Variants in LMBR1 observed in about 807,000 individuals in gnomAD.
The protein encoded by LMBR1 is limb region 1 protein homolog.
Under a neutral mutation model 73.9 loss-of-function variants are expected in LMBR1, and 52 were observed. The observed-to-expected ratio is 0.70, with a 90% CI of 0.56 to 0.89. LMBR1 has a LOEUF of 0.89. Among genes scored for constraint, LMBR1 ranks in the 40% least tolerant of loss-of-function variants. The pLI is 0.00. For missense variants in LMBR1, 539 were observed against 579.8 expected, an observed-to-expected ratio of 0.93 and a Z score of 0.72; for synonymous variants, 215 against 209.4, an observed-to-expected ratio of 1.03 and a Z score of -0.23.
chr7:156,815,070 C>T (rs780060806), intron 4 of LMBR1, among the ~76,000 whole-genome samples: 8 of 150,198 alleles, frequency 5.3e-5, no homozygotes, highest in Non-Finnish European at 8.8e-5. Context: ...GCAGGAGAAT[C>T]GCTTGAACCT....
chr7:156,826,829 T>C (rs1042380869), intron 3 of LMBR1, 85 bp from the exon 4 acceptor site: 4 of 1,272,140 alleles, frequency 3.1e-6, no homozygotes, highest in African/African-American at 3.0e-5. Context: ...AACTCTTTAA[T>C]GTTTTAATCA....
intron 9 of LMBR1, among the ~76,000 whole-genome samples, chr7:156,751,805 A>G (rs1820949776): frequency 6.6e-6 from 1 of 152,230 alleles, no homozygotes; most frequent in Admixed American, 6.5e-5. Context: ...CAAAAGCAGC[A>G]AAATCTAGAA....
At chr7:156,815,708 A>G (rs1833808375) in intron 4 of LMBR1, among the ~76,000 whole-genome samples, 1 of 152,156 alleles carries the variant, frequency 6.6e-6, no homozygotes, top group South Asian at 2.1e-4. Flanking sequence ...CACAGTTTAG[A>G]TTTTAGCCTC....
intron 15 of LMBR1, among the ~76,000 whole-genome samples, chr7:156,717,031 C>T (rs755754232): frequency 5.3e-5 from 8 of 151,836 alleles, no homozygotes; most frequent in South Asian, 2.1e-4. Context: ...CCCAGCTACT[C>T]GGGAGGCTGG....
chr7:156,834,411 A>G (rs946897204), intron 2 of LMBR1: 2 of 162,334 alleles, frequency 1.2e-5, no homozygotes, highest in African/African-American at 4.8e-5. Context: ...GACCACCTTA[A>G]GCAACATAGG....
chr7:156,865,334 T>A (rs1024955359), intron 1 of LMBR1, among the ~76,000 whole-genome samples: 4 of 151,826 alleles, frequency 2.6e-5, no homozygotes, highest in Non-Finnish European at 4.4e-5. Flanking sequence ...CAATTTCAAA[T>A]AGCATCAAGA....
At chr7:156,731,413 A>C (rs905479663) in intron 10 of LMBR1, among the ~76,000 whole-genome samples, 1 of 152,230 alleles carries the variant, frequency 6.6e-6, no homozygotes, top group East Asian at 1.9e-4. Flanking sequence ...AGTATCATGA[A>C]GTGACACATA....
chr7:156,883,645 G>A (rs183990699), intron 1 of LMBR1, among the ~76,000 whole-genome samples: 1 of 152,218 alleles, frequency 6.6e-6, no homozygotes, highest in East Asian at 1.9e-4. Context: ...TAAAATCAAG[G>A]CGTGAGCAAG....
intron 1 of LMBR1, among the ~76,000 whole-genome samples, chr7:156,882,736 TA>T (rs1410332742): frequency 6.9e-5 from 10 of 144,124 alleles, no homozygotes; most frequent in Admixed American, 6.7e-4. Context: ...ATTGCACACT[TA>T]AAACTTTAAG....
chr7:156,878,807 C>T (rs1210017709), intron 1 of LMBR1, among the ~76,000 whole-genome samples: 1 of 152,162 alleles, frequency 6.6e-6, no homozygotes, highest in African/African-American at 2.4e-5. Flanking sequence ...TCAAACTATA[C>T]TATAAGGCCG....
intron 15 of LMBR1, among the ~76,000 whole-genome samples, chr7:156,714,025 T>C (rs1812663862): frequency 6.6e-6 from 1 of 152,234 alleles, no homozygotes. Flanking sequence ...CTTCACGGTA[T>C]TGATAGCCTT....
chr7:156,731,048 A>G (rs1455040635), intron 10 of LMBR1, among the ~76,000 whole-genome samples: 2 of 152,226 alleles, frequency 1.3e-5, no homozygotes, highest in Non-Finnish European at 2.9e-5. Context: ...TAAATGATTA[A>G]CATATTCAAT....
chr7:156,788,909 G>A (rs1178048565), intron 5 of LMBR1, among the ~76,000 whole-genome samples: 3 of 152,078 alleles, frequency 2.0e-5, no homozygotes, highest in East Asian at 1.9e-4. Flanking sequence ...TTAGCCGGGC[G>A]TGGTGGTGGG....
chr7:156,698,575 T>G (rs1319911326), intron 15 of LMBR1, among the ~76,000 whole-genome samples: 5 of 152,202 alleles, frequency 3.3e-5, no homozygotes, highest in Admixed American at 2.6e-4. Context: ...ACATAGAAGC[T>G]GCCAAAGCTT....
chr7:156,687,942 A>C (rs904090782), intron 16 of LMBR1, 88 bp downstream of exon 16: 3 of 1,263,114 alleles, frequency 2.4e-6, no homozygotes, highest in African/African-American at 3.1e-5. Context: ...AAATTTGGGA[A>C]ACTAAATAGC....
In LMBR1 at chr7:156,670,202, C is replaced by T. The variant is rs909735691; in HGVS notation, n.867-915G>A. On this transcript the variant is annotated intron_variant and non_coding_transcript_variant, in intron 4 of 4. Transcript: ENST00000430825. The surrounding 1 kb of genome is among the most constrained non-coding windows in gnomAD (Gnocchi z 4.3). ...AAGCACACAATTCGTATTTCCCACC[C>T]ACTAGGGCACACACATTTCCTTCTT... 1.3e-5 allele frequency among the ~76,000 whole-genome samples: 2 copies of T among 152,202 alleles called. No individual in the cohort carries two copies. The highest frequency in any genetic ancestry group is 4.8e-5 in the African/African-American group (2 of 41,454).
intron 1 of LMBR1, among the ~76,000 whole-genome samples, chr7:156,883,930 A>C (rs1801492451): frequency 1.3e-5 from 2 of 152,076 alleles, no homozygotes; most frequent in Non-Finnish European, 2.9e-5. Context: ...AAAGTAACAC[A>C]CCACAGGCTC....
At chr7:156,857,122 T>C (rs1255934492) in intron 1 of LMBR1, among the ~76,000 whole-genome samples, 3 of 147,118 alleles carry the variant, frequency 2.0e-5, no homozygotes, top group South Asian at 2.3e-4. Context: ...ACAAGGACAA[T>C]AGAAAATAGT....
chr7:156,826,127 G>T (rs577727332), intron 4 of LMBR1, among the ~76,000 whole-genome samples: 1 of 152,090 alleles, frequency 6.6e-6, no homozygotes, highest in East Asian at 1.9e-4. Flanking sequence ...TTATAAGCGC[G>T]TGCCACCATG....
Sources: allele counts gnomAD v4.1 joint callset (sites outside exome capture counted in the v4.1 genomes callset), GRCh38; gene constraint gnomAD v4.1.1; non-coding constraint Gnocchi (gnomAD v3.1); transcripts MANE v1.5; gene names NCBI Gene and HGNC (gene_info 2026-07-23, HGNC 2026-07-21).